Variants in TPD52 observed in about 807,000 individuals in gnomAD.
TPD52 encodes the protein prostate and colon associated protein.
TPD52 carries 17 observed loss-of-function variants against 31.3 expected under a neutral mutation model. The ratio of observed to expected loss-of-function variants is 0.54; its 90% confidence interval spans 0.37 to 0.82. The LOEUF (loss-of-function observed/expected upper bound fraction) is 0.82, where lower values mean the gene tolerates loss of function less well. TPD52 is among the 40% of genes least tolerant of loss of function. The pLI, the probability that TPD52 is intolerant of heterozygous loss-of-function variation, is 0.00. For synonymous variants in TPD52, 83 were observed against 89.6 expected, an observed-to-expected ratio of 0.93 and a Z score of 0.42; for missense variants, 212 against 240.1, an observed-to-expected ratio of 0.88 and a Z score of 0.77.
At chr8:80,152,987 T>G (rs1234062236) in intron 1 of TPD52, among the ~76,000 whole-genome samples, 3 of 152,104 alleles carry the variant, frequency 2.0e-5, no homozygotes, top group Non-Finnish European at 4.4e-5. Context: ...GTTTTTACCT[T>G]CATTAGAATT....
chr8:80,078,960 C>T (rs1303798131), intron 1 of TPD52, among the ~76,000 whole-genome samples: 1 of 152,082 alleles, frequency 6.6e-6, no homozygotes, highest in Non-Finnish European at 1.5e-5. Context: ...AAGAAGCAAG[C>T]AGTGTCAATC....
rs1259414128 is a variant in TPD52, at chr8:80,064,506, T to C, written c.107A>G (p.Gln36Arg). 1 of 1,614,066 alleles carries C rather than the reference T, an allele frequency of 6.2e-7. No homozygotes were observed. The highest frequency in any genetic ancestry group is 1.3e-5 in the African/African-American group (1 of 74,944). ...SATETLSEEE[Q>R]EELRRELAKV... ...TGCAAGTTCTCTTCTTAGCTCTTCC[T>C]GCTCCTCTTCCGAGAGGGTCTCTGT... Residue 36 changes from glutamine (Q) to arginine (R), a missense_variant, in exon 2 of 8, where the codon CAG becomes CGG. By Grantham distance (43) the Gln-to-Arg change is conservative. Coordinates refer to ENST00000518937, the MANE Select transcript of TPD52 (RefSeq NM_001025253.3).
At chr8:80,058,076 CTAT>C (rs1812097177) in intron 2 of TPD52, among the ~76,000 whole-genome samples, 2 of 152,170 alleles carry the variant, frequency 1.3e-5, no homozygotes, top group South Asian at 4.2e-4. Flanking sequence ...GGTGCTATTA[CTAT>C]TATTTTTATT....
chr8:80,073,492 C>CTACG (rs1237642702), intron 1 of TPD52, among the ~76,000 whole-genome samples: 1 of 152,192 alleles, frequency 6.6e-6, no homozygotes, highest in Non-Finnish European at 1.5e-5. Context: ...GAATAAGAAC[C>CTACG]TACGGTCCAG....
At chr8:80,042,551 T>G in intron 7 of TPD52, 69 bp downstream of exon 7, 3 of 1,554,000 alleles carry the variant, frequency 1.9e-6, no homozygotes, top group African/African-American at 1.4e-5. Flanking sequence ...GTCAATGATT[T>G]TCGCACAGCA....
chr8:80,126,337 T>G (rs1014994301), intron 1 of TPD52, among the ~76,000 whole-genome samples: 6 of 151,822 alleles, frequency 4.0e-5, no homozygotes, highest in African/African-American at 1.5e-4. Context: ...TTTATTTTTC[T>G]TTTCATTTTG....
chr8:80,171,543 C>T lies in TPD52; in HGVS notation c.-100G>A. 1 of 1,381,274 alleles carries T rather than the reference C, an allele frequency of 7.2e-7. No homozygotes were observed. The highest frequency in any genetic ancestry group is 1.6e-5 in the South Asian group (1 of 61,424). The allele number at this position is 1,381,274 out of a possible 1,614,324, so 85.6% of individuals were successfully genotyped here. On this transcript the variant is annotated 5_prime_UTR_variant, in exon 1 of 8. Transcript: ENST00000518937. ...GCCGCGCAGAGCTCCTCCTCGCCTC[C>T]GCCGGCGACTCCCGCGAAGTCCCCA...
chr8:80,132,234 G>T (rs1387017681), intron 1 of TPD52, among the ~76,000 whole-genome samples: 4 of 152,064 alleles, frequency 2.6e-5, no homozygotes, highest in Non-Finnish European at 5.9e-5. Flanking sequence ...CTGTTTGTGT[G>T]AGGATTTAGG....
chr8:80,133,822 A>T (rs540095303), intron 1 of TPD52, among the ~76,000 whole-genome samples: 1 of 151,898 alleles, frequency 6.6e-6, no homozygotes, highest in African/African-American at 2.4e-5. Context: ...CATTTGAGGG[A>T]AGCTGGGCAA....
chr8:80,104,518 G>A (rs1256535064), intron 1 of TPD52, among the ~76,000 whole-genome samples: 1 of 151,542 alleles, frequency 6.6e-6, no homozygotes, highest in East Asian at 1.9e-4. Context: ...GGAGGCTGAG[G>A]AGTTTGAGAT....
intron 1 of TPD52, among the ~76,000 whole-genome samples, chr8:80,148,130 T>C (rs745975291): frequency 6.8e-6 from 1 of 148,022 alleles, no homozygotes; most frequent in African/African-American, 2.5e-5. Flanking sequence ...TGGTATTTTA[T>C]TAAAACTTAC....
At position 80,171,528 on chromosome 8, in the gene TPD52, G is replaced by C. The variant is rs1812103071; in HGVS notation, c.-85C>G. ...CGGATCGCCCGCCGCGCCGCGCAGAGCTCCTCCTCGCCTCCGCCGGCGACT... is the reference window on the plus strand; with the variant it reads ...CGGATCGCCCGCCGCGCCGCGCAGACCTCCTCCTCGCCTCCGCCGGCGACT... On this transcript the variant is annotated 5_prime_UTR_variant, in exon 1 of 8. Transcript: ENST00000518937. The C allele has an allele frequency of 6.2e-6, 9 of 1,444,188 alleles. No homozygotes were observed. In the South Asian group the frequency reaches 1.3e-4, roughly 21 times the overall value. 89.5% of individuals were successfully genotyped at this position (1,444,188 alleles called of 1,614,324 possible).
At chr8:80,102,123 T>C (rs549315506) in intron 1 of TPD52, among the ~76,000 whole-genome samples, 2 of 152,300 alleles carry the variant, frequency 1.3e-5, no homozygotes, top group African/African-American at 4.8e-5. Context: ...GCTTAAAACA[T>C]TGAACATTTA....
chr8:80,074,506 C>T (rs899402850), intron 1 of TPD52, among the ~76,000 whole-genome samples: 2 of 152,180 alleles, frequency 1.3e-5, no homozygotes, highest in African/African-American at 4.8e-5. Context: ...TTCTCAGGCA[C>T]GGCACCACGG....
At chr8:80,129,965 T>A (rs1429065272) in intron 1 of TPD52, among the ~76,000 whole-genome samples, 1 of 152,232 alleles carries the variant, frequency 6.6e-6, no homozygotes, top group Non-Finnish European at 1.5e-5. Context: ...CCCAAAGTGC[T>A]GGGATTACAG....
intron 2 of TPD52, among the ~76,000 whole-genome samples, chr8:80,055,694 C>G (rs2130582434): frequency 6.6e-6 from 1 of 152,198 alleles, no homozygotes; most frequent in Non-Finnish European, 1.5e-5. Context: ...AACAACAAAA[C>G]AAACAAGCAA....
At chr8:80,090,351 G>A (rs923481548) in intron 1 of TPD52, among the ~76,000 whole-genome samples, 6 of 152,232 alleles carry the variant, frequency 3.9e-5, no homozygotes, top group South Asian at 4.2e-4. Context: ...AGTGAGCTAC[G>A]ATGGTGCCAC....
chr8:80,117,493 TA>T (rs1225716464), intron 1 of TPD52, among the ~76,000 whole-genome samples: 9 of 152,084 alleles, frequency 5.9e-5, no homozygotes, highest in Admixed American at 1.3e-4. Context: ...ATGGCAAGTC[TA>T]AAAAAATGGG....
intron 1 of TPD52, among the ~76,000 whole-genome samples, chr8:80,161,462 C>A (rs1328128385): frequency 6.6e-6 from 1 of 152,148 alleles, no homozygotes; most frequent in Non-Finnish European, 1.5e-5. Context: ...GGAGTACCTA[C>A]TACATTCATA....
Sources: allele counts gnomAD v4.1 joint callset (sites outside exome capture counted in the v4.1 genomes callset), GRCh38; gene constraint gnomAD v4.1.1; transcripts MANE v1.5; gene names NCBI Gene and HGNC (gene_info 2026-07-23, HGNC 2026-07-21).